Variants in TACC3 observed in about 807,000 individuals in gnomAD.
TACC3 encodes the protein transforming acidic coiled-coil-containing protein 3.
Under a neutral mutation model 86.0 loss-of-function variants are expected in TACC3, and 52 were observed. That is an observed-to-expected ratio of 0.60 (90% confidence interval 0.48 to 0.76). The LOEUF (loss-of-function observed/expected upper bound fraction) is 0.76. Among genes scored for constraint, TACC3 ranks in the 30% least tolerant of loss-of-function variants. The pLI is 0.00. For synonymous variants in TACC3, 512 were observed against 430.0 expected (o/e 1.19, Z -2.36); for missense variants, 1,120 against 1,070.4 (o/e 1.05, Z -0.65).
chr4:1,737,668 T>G lies in TACC3; in HGVS notation c.1907T>G (p.Leu636Arg). ...CTGTCCACCGGACCTATAGTGGACCTGCTCCAGTACAGCCAGAAGGACCTG... is the reference window on the plus strand; with the variant it reads ...CTGTCCACCGGACCTATAGTGGACCGGCTCCAGTACAGCCAGAAGGACCTG... ...PPLSTGPIVDLLQYSQKDLDA... is the reference protein window; with the variant it reads ...PPLSTGPIVDRLQYSQKDLDA... The change falls in exon 10 of 16, where the codon CTG (leucine) becomes CGG (arginine). Residue 636 changes from leucine (L) to arginine (R), a missense_variant. Leu to Arg is a moderately radical substitution (Grantham distance 102, BLOSUM62 -2). Transcript: ENST00000313288. 4 of 1,550,632 alleles carry G rather than the reference T, an allele frequency of 2.6e-6. No individual in the cohort carries two copies. Among genetic ancestry groups the G allele is most frequent in the Non-Finnish European group, 3.5e-6 (4 of 1,146,668 alleles).
Position 1,744,967 on chromosome 4 carries a change from T to C in TACC3, c.2471T>C (p.Leu824Pro), listed in dbSNP as rs1304838154. 6.2e-7 allele frequency: 1 copy of C among 1,611,896 alleles called. No individual in the cohort carries two copies. Among genetic ancestry groups the C allele is most frequent in the Non-Finnish European group, 8.5e-7 (1 of 1,179,524 alleles). The change falls in exon 16 of 16, where the codon CTG (leucine) becomes CCG (proline). Residue 824 changes from leucine (L) to proline (P), a missense_variant. By Grantham distance (98) the Leu-to-Pro change is moderately conservative (BLOSUM62 -3). Transcript: ENST00000313288. ...CTCCAGACTAAAGAGAACGAGGAGC[T>C]GACCAGGATCTGCGACGACCTCATC... ...VEQKTKENEE[L>P]TRICDDLISK...
At chr4:1,730,034 A>ATTTGTTTG (rs377531457) in intron 4 of TACC3, among the ~76,000 whole-genome samples, 25,769 of 151,594 alleles carry the variant, frequency 0.17, 2,402 homozygotes, top group Non-Finnish European at 0.2. Context: ...TCCTAGGGTT[A>ATTTGTTTG]TTTGTTTGTT....
In TACC3 at chr4:1,741,004, T is replaced by C. The variant is rs746897596; in HGVS notation, c.2223+18T>C. The C allele has an allele frequency of 2.0e-5, 32 of 1,591,220 alleles. No homozygotes were observed. Among genetic ancestry groups the C allele is most frequent in the Middle Eastern group, 1.7e-4 (1 of 5,854 alleles). ...ACCGCAAGGTATGTCTCCGCCACCC[T>C]GGTGTCCTCACCTCGGAGGCTGATG... On this transcript the variant is annotated intron_variant, in intron 13 of 15. Transcript: ENST00000313288.
Position 1,728,089 on chromosome 4 carries a change from G to T in TACC3, c.687G>T (p.Pro229=), listed in dbSNP as rs369649395. The T allele has an allele frequency of 2.9e-5, 46 of 1,602,258 alleles. No individual in the cohort carries two copies. The Admixed American group carries it at 7.4e-4, about 26-fold the overall frequency. Residue 229 remains proline (P), a synonymous_variant, in exon 4 of 16, where the codon CCG becomes CCT. Transcript: ENST00000313288. ...GAEEECKAET[P]HGAEEECRHG... is the part of the protein sequence containing the mutation. ...AGGAAGAATGCAAAGCGGAGACTCC[G>T]CACGGAGCCGAGGAGGAATGCCGGC...
At chr4:1,744,343 A>C in intron 13 of TACC3, 175 bp from the exon 14 acceptor site, 1 of 619,796 alleles carries the variant, frequency 1.6e-6, no homozygotes, top group Non-Finnish European at 2.8e-6. Context: ...GAACCTCCAG[A>C]GGGGGTGAGC....
At chr4:1,724,252 G>A (rs961906859) in intron 3 of TACC3, among the ~76,000 whole-genome samples, 4 of 151,472 alleles carry the variant, frequency 2.6e-5, no homozygotes, top group Non-Finnish European at 4.4e-5. Flanking sequence ...GATTACAGGT[G>A]TGAGCCACCA....
chr4:1,726,989 G>C (rs1156555589), intron 3 of TACC3, among the ~76,000 whole-genome samples: 1 of 152,128 alleles, frequency 6.6e-6, no homozygotes, highest in Non-Finnish European at 1.5e-5. Context: ...AAATTAGCCA[G>C]ACATGGTGGC....
Position 1,723,860 on chromosome 4 carries a change from CAGAA to C in TACC3, c.299_302del (p.Lys100ArgfsTer91). 2 of 1,613,276 alleles carry C rather than the reference CAGAA, an allele frequency of 1.2e-6. No homozygotes were observed. The highest frequency in any genetic ancestry group is 8.5e-7 in the Non-Finnish European group (1 of 1,179,922). On this transcript the variant is annotated frameshift_variant, in exon 3 of 16. Coordinates refer to ENST00000313288, the MANE Select transcript of TACC3 (RefSeq NM_006342.3). LOFTEE classifies it high-confidence loss of function. ...GGAAAACTCACACCCGGTCTGGACA[CAGAA>C]AGAGAAGTAAGTGTTGGTGCTGCTG...
At chr4:1,740,332 T>C (rs552680733) in intron 12 of TACC3, 4 of 473,810 alleles carry the variant, frequency 8.4e-6, no homozygotes, top group South Asian at 7.7e-5. Flanking sequence ...TGCGGCTATG[T>C]CTAGCAGCAG....
Position 1,744,710 on chromosome 4 carries a change from AG to A in TACC3, c.2332del. On this transcript the variant is annotated splice_acceptor_variant, in intron 14 of 15. Transcript: ENST00000313288. LOFTEE classifies it high-confidence loss of function. ...GCCTCTGCCCCGCCCCTACCCCTCCAGGGCAAACGAGGAGATCGCCCAGGTC... is the reference window on the plus strand; with the variant it reads ...GCCTCTGCCCCGCCCCTACCCCTCCAGGCAAACGAGGAGATCGCCCAGGTC... 6.2e-7 allele frequency: 1 copy of A among 1,612,500 alleles called. No individual in the cohort carries two copies. Among genetic ancestry groups the A allele is most frequent in the Non-Finnish European group, 8.5e-7 (1 of 1,179,910 alleles).
upstream of TACC3, chr4:1,721,432 C>T (rs1052158197): frequency 3.9e-5 from 6 of 152,116 alleles, no homozygotes; most frequent in African/African-American, 9.7e-5. Flanking sequence ...TGGACGCCCG[C>T]CCTCCTGCGG....
chr4:1,728,382 T>C lies in TACC3; in HGVS notation c.980T>C (p.Met327Thr). ...CAGGAAGAAGTGGCTGCAGGCCAAA[T>C]GGCCAGCTCCTCGAGGAGCGGACCT... ...SPQEEVAAGQMASSSRSGPVK... is the reference protein window; with the variant it reads ...SPQEEVAAGQTASSSRSGPVK... Residue 327 changes from methionine (M) to threonine (T), a missense_variant, in exon 4 of 16, where the codon ATG becomes ACG. Transcript: ENST00000313288. 6.2e-7 allele frequency: 1 copy of C among 1,613,104 alleles called. No homozygotes were observed. Among genetic ancestry groups the C allele is most frequent in the Non-Finnish European group, 8.5e-7 (1 of 1,180,016 alleles).
chr4:1,744,397 G>GT (rs1718740522), intron 13 of TACC3, 121 bp from the exon 14 acceptor site: 3 of 791,416 alleles, frequency 3.8e-6, no homozygotes, highest in South Asian at 3.7e-5. Flanking sequence ...GAAAACGGGA[G>GT]CTACTGGCTC....
chr4:1,743,422 A>G (rs1718688571), intron 13 of TACC3, among the ~76,000 whole-genome samples: 2 of 152,060 alleles, frequency 1.3e-5, no homozygotes, highest in African/African-American at 2.4e-5. Flanking sequence ...GCATGGTGGC[A>G]CGCACCTGTA....
intron 10 of TACC3, among the ~76,000 whole-genome samples, chr4:1,739,049 C>T (rs113743850): frequency 0.02 from 3,012 of 152,200 alleles, 96 homozygotes; most frequent in African/African-American, 0.069. Flanking sequence ...TGGGTCACGC[C>T]TGTAATCCCA....
intron 1 of TACC3, chr4:1,723,134 C>T (rs1222357881): frequency 2.3e-6 from 1 of 435,088 alleles, no homozygotes; most frequent in Non-Finnish European, 4.2e-6. Flanking sequence ...CTTGGGTTTT[C>T]TTTCTCACCA....
chr4:1,740,579 C>T (rs1333658572), intron 12 of TACC3: 5 of 447,610 alleles, frequency 1.1e-5, no homozygotes, highest in African/African-American at 2.0e-5. Context: ...GGCGCCGCCT[C>T]TTCAGGGACC....
chr4:1,740,069 G>GCCCTGCACCCTGCCTAGGACCCCA (rs1216431094), intron 12 of TACC3, 67 bp downstream of exon 12: 1 of 1,550,604 alleles, frequency 6.4e-7, no homozygotes, highest in African/African-American at 1.4e-5. Flanking sequence ...CCCTGGCCCT[G>GCCCTGCACCCTGCCTAGGACCCCA]CCCTGCACCC....
At position 1,727,831 on chromosome 4, in the gene TACC3, G is replaced by T; in HGVS notation, c.429G>T (p.Glu143Asp). The change falls in exon 4 of 16, where the codon GAG becomes GAT. Residue 143 changes from glutamate (E) to aspartate (D), a missense_variant. Physicochemically the swap from Glu to Asp is conservative, Grantham distance 45 (BLOSUM62 2). Transcript: ENST00000313288. ...SPAFGSGSSSESGPGALADLD... is the reference protein window; with the variant it reads ...SPAFGSGSSSDSGPGALADLD... ...CCTTTGGGAGTGGCAGCTCCAGCGA[G>T]TCTGGCCCAGGTGCCCTGGCTGACC... is the stretch of plus-strand genomic sequence containing the variant. The T allele has an allele frequency of 6.2e-7, 1 of 1,613,074 alleles. No individual in the cohort carries two copies. Among genetic ancestry groups the T allele is most frequent in the Non-Finnish European group, 8.5e-7 (1 of 1,180,020 alleles).
Sources: allele counts gnomAD v4.1 joint callset (sites outside exome capture counted in the v4.1 genomes callset), GRCh38; gene constraint gnomAD v4.1.1; transcripts MANE v1.5; gene names NCBI Gene and HGNC (gene_info 2026-07-23, HGNC 2026-07-21).